The following CTCFL variants were observed in gnomAD, a reference collection of about 807,000 sequenced individuals.
The protein encoded by CTCFL is CCCTC-binding factor like.
Under a neutral mutation model 67.4 loss-of-function variants are expected in CTCFL, and 36 were observed. That is an observed-to-expected ratio of 0.53 (90% CI 0.41 to 0.71). The LOEUF (loss-of-function observed/expected upper bound fraction) is 0.71. Among genes scored for constraint, CTCFL ranks in the 30% least tolerant of loss-of-function variants. The probability of loss-of-function intolerance (pLI) is 0.00; values close to 1 mark genes in which losing one functional copy is unlikely to be tolerated. For missense variants in CTCFL, 786 were observed against 835.2 expected (o/e 0.94, Z 0.73); for synonymous variants, 324 against 302.3 (o/e 1.07, Z -0.75).
At chr20:57,523,424 C>A in intron 2 of CTCFL, 146 bp from the exon 3 acceptor site, 1 of 968,640 alleles carries the variant, frequency 1.0e-6, no homozygotes, top group African/African-American at 1.7e-5. Context: ...AGGGTTGTGG[C>A]AGTGAAACTT....
intron 10 of CTCFL, among the ~76,000 whole-genome samples, chr20:57,499,179 A>G (rs2067799288): frequency 6.6e-6 from 1 of 151,070 alleles, no homozygotes; most frequent in African/African-American, 2.4e-5. Context: ...AGAGATTTAT[A>G]TTGTGGCTGA....
intron 7 of CTCFL, chr20:57,513,679 G>A: frequency 1.7e-6 from 2 of 1,188,638 alleles, no homozygotes; most frequent in Non-Finnish European, 2.1e-6. Flanking sequence ...TGGTCCAGAT[G>A]AAAAATAAAA....
intron 8 of CTCFL, among the ~76,000 whole-genome samples, chr20:57,509,686 T>C (rs1479819089): frequency 6.6e-6 from 1 of 152,222 alleles, no homozygotes; most frequent in Non-Finnish European, 1.5e-5. Flanking sequence ...TTGGATTAAA[T>C]ATATATTCGG....
At chr20:57,500,131 C>T in intron 10 of CTCFL, 1 of 969,246 alleles carries the variant, frequency 1.0e-6, no homozygotes, top group African/African-American at 1.9e-5. Flanking sequence ...CAAGAAGACC[C>T]AGTTCTTGGA....
chr20:57,499,073 CGGGGGGGGGGTGGGG>C (rs1382200187), intron 10 of CTCFL, among the ~76,000 whole-genome samples: 1 of 65,340 alleles, frequency 1.5e-5, no homozygotes, highest in Non-Finnish European at 3.6e-5. Context: ...CTGAAGGTGA[CGGGGGGGGGGTGGGG>C]GGGGGACACA....
At chr20:57,519,098 A>G (rs1300854428) in intron 4 of CTCFL, 109 bp downstream of exon 4, 5 of 1,303,838 alleles carry the variant, frequency 3.8e-6, no homozygotes, top group Non-Finnish European at 5.3e-6. Context: ...AGACAAAACT[A>G]AAGTATAAAA....
At chr20:57,509,694 C>A (rs567085702) in intron 8 of CTCFL, among the ~76,000 whole-genome samples, 1 of 152,156 alleles carries the variant, frequency 6.6e-6, no homozygotes, top group African/African-American at 2.4e-5. Flanking sequence ...AATATATATT[C>A]GGCCATTTCT....
At chr20:57,508,251 T>C (rs2068330159) in intron 9 of CTCFL, among the ~76,000 whole-genome samples, 1 of 152,156 alleles carries the variant, frequency 6.6e-6, no homozygotes, top group Non-Finnish European at 1.5e-5. Flanking sequence ...TCTGAAAAAA[T>C]GTGTGAAAAC....
At chr20:57,517,594 T>C (rs1040911149) in intron 5 of CTCFL, among the ~76,000 whole-genome samples, 1 of 152,022 alleles carries the variant, frequency 6.6e-6, no homozygotes, top group African/African-American at 2.4e-5. Context: ...AAAGCTTTTT[T>C]AAAAAAAGGG....
chr20:57,507,049 A>G, intron 9 of CTCFL: 1 of 986,352 alleles, frequency 1.0e-6, no homozygotes, highest in Non-Finnish European at 1.2e-6. Context: ...TGAAGCCTAC[A>G]TGGTCCAAGG....
chr20:57,515,544 T>C (rs2068852383), intron 6 of CTCFL, 170 bp downstream of exon 6: 1 of 752,554 alleles, frequency 1.3e-6, no homozygotes, highest in Non-Finnish European at 2.2e-6. Context: ...GCAGACTCTC[T>C]TACTGCTAAA....
At position 57,523,706 on chromosome 20, in the gene CTCFL, C is replaced by T. The variant is rs903830578; in HGVS notation, c.500G>A (p.Ser167Asn). The change falls in exon 2 of 11, where the codon AGT becomes AAT. Residue 167 changes from serine to asparagine, a missense_variant. Around this residue, in one of 3 missense-constraint regions of CTCFL, gnomAD observed 333 missense variants for 304.6 expected, o/e 1.09. Transcript: ENST00000243914. ...EENVMVASEDSKLAVSLAETT... is the reference protein window; with the variant it reads ...EENVMVASEDNKLAVSLAETT... ...TTCAGCCAGGCTCACCGCTAACTTA[C>T]TGTCTTCACTGGCCACCATCACATT... 1.7e-5 allele frequency: 27 copies of T among 1,613,386 alleles called. No individual in the cohort carries two copies. Among genetic ancestry groups the T allele is most frequent in the Non-Finnish European group, 2.2e-5 (26 of 1,180,014 alleles).
chr20:57,511,874 T>A (rs1456484944), intron 8 of CTCFL, among the ~76,000 whole-genome samples: 1 of 152,216 alleles, frequency 6.6e-6, no homozygotes, highest in East Asian at 1.9e-4. Flanking sequence ...ATTGCAGGTG[T>A]GAGCCACTGC....
intron 10 of CTCFL, among the ~76,000 whole-genome samples, 172 bp downstream of exon 10, chr20:57,503,264 C>T (rs537461813): frequency 3.9e-5 from 6 of 152,350 alleles, no homozygotes; most frequent in East Asian, 3.9e-4. Flanking sequence ...GACTTTCTCA[C>T]GCTATGCTCA....
intron 10 of CTCFL, among the ~76,000 whole-genome samples, chr20:57,500,683 A>G (rs1320869854): frequency 2.0e-5 from 3 of 152,216 alleles, no homozygotes; most frequent in African/African-American, 4.8e-5. Flanking sequence ...AAAAGTTTGT[A>G]TATGTACAAT....
At chr20:57,505,546 G>A (rs1003849989) in intron 9 of CTCFL, among the ~76,000 whole-genome samples, 7 of 152,144 alleles carry the variant, frequency 4.6e-5, no homozygotes, top group Non-Finnish European at 8.8e-5. Flanking sequence ...GTGAGCCACC[G>A]CGCCCGGCCT....
At chr20:57,513,694 A>G (rs1220690404) in intron 7 of CTCFL, 3 of 1,188,784 alleles carry the variant, frequency 2.5e-6, no homozygotes, top group Non-Finnish European at 3.2e-6. Flanking sequence ...ATAAAAGTGA[A>G]GACTTTGTGG....
chr20:57,511,565 T>C (rs915388275), intron 8 of CTCFL, among the ~76,000 whole-genome samples: 6 of 151,884 alleles, frequency 4.0e-5, no homozygotes, highest in African/African-American at 9.7e-5. Context: ...AATATAAAAG[T>C]TGCTTTAAAA....
chr20:57,498,750 T>A, intron 10 of CTCFL, 49 bp from the exon 11 acceptor site: 1 of 1,538,390 alleles, frequency 6.5e-7, no homozygotes, highest in Non-Finnish European at 8.9e-7. Context: ...GCTAAGGAAT[T>A]GGAATTTATA....
Sources: gnomAD v4.1 joint callset for allele counts (sites outside exome capture counted in the v4.1 genomes callset) on GRCh38, gnomAD v4.1.1 for gene constraint, gnomAD v4.1.1 regional missense constraint, MANE v1.5 for transcripts, NCBI Gene and HGNC (gene_info 2026-07-23, HGNC 2026-07-21) for gene names.